GFOD2: variants seen among roughly 807,000 people sequenced by gnomAD.
GFOD2 encodes Gfo/Idh/MocA-like oxidoreductase domain containing 2.
In GFOD2, 9 loss-of-function variants were observed where a neutral mutation model predicts 24.6. That is an observed-to-expected ratio of 0.37 (90% CI 0.22 to 0.64). The LOEUF (loss-of-function observed/expected upper bound fraction) is 0.64, where lower values mean the gene tolerates loss of function less well. Among genes scored for constraint, GFOD2 ranks in the 30% least tolerant of loss-of-function variants. The pLI is 0.65. For missense variants in GFOD2, 476 were observed against 532.5 expected (o/e 0.89, Z 1.04); for synonymous variants, 211 against 224.8 (o/e 0.94, Z 0.55).
intron 2 of GFOD2, chr16:67,684,870 G>T: frequency 4.0e-6 from 4 of 991,008 alleles, no homozygotes; most frequent in Non-Finnish European, 4.8e-6. Flanking sequence ...GGGGCAAGAG[G>T]TTACCAAGCC....
intron 1 of GFOD2, among the ~76,000 whole-genome samples, chr16:67,695,671 G>T (rs2053353395): frequency 6.6e-6 from 1 of 151,888 alleles, no homozygotes; most frequent in Admixed American, 6.6e-5. Context: ...GAGTAGCTGG[G>T]ATTACAGGCA....
At chr16:67,689,469 G>C (rs755110672) in intron 1 of GFOD2, among the ~76,000 whole-genome samples, 3 of 151,730 alleles carry the variant, frequency 2.0e-5, no homozygotes, top group Non-Finnish European at 4.4e-5. Flanking sequence ...TGAGGAGTTT[G>C]AGACCAGCCT....
chr16:67,683,412 G>T (rs974495891), intron 2 of GFOD2: 1 of 1,228,768 alleles, frequency 8.1e-7, no homozygotes, highest in East Asian at 3.2e-5. Flanking sequence ...ACAAGGGATG[G>T]CAAGGAGTCA....
At chr16:67,703,829 A>G (rs923666315) in intron 1 of GFOD2, among the ~76,000 whole-genome samples, 2 of 152,182 alleles carry the variant, frequency 1.3e-5, no homozygotes, top group African/African-American at 4.8e-5. Flanking sequence ...TTCCTGGAAG[A>G]GACGACATAA....
chr16:67,676,243 C>T, intron 2 of GFOD2, 190 bp from the exon 3 acceptor site: 1 of 615,024 alleles, frequency 1.6e-6, no homozygotes, highest in Non-Finnish European at 2.8e-6. Flanking sequence ...AGCGATCCTC[C>T]ATCTTGGCCT....
At chr16:67,709,831 G>C (rs2053461261) in intron 1 of GFOD2, among the ~76,000 whole-genome samples, 1 of 152,164 alleles carries the variant, frequency 6.6e-6, no homozygotes. Context: ...GCCCAGGCTG[G>C]TCTTGAGGCT....
intron 1 of GFOD2, among the ~76,000 whole-genome samples, chr16:67,698,863 T>C (rs1165320230): frequency 6.6e-6 from 1 of 152,020 alleles, no homozygotes; most frequent in African/African-American, 2.4e-5. Flanking sequence ...AGTTAGGATA[T>C]CAAGTAAGAC....
intron 1 of GFOD2, among the ~76,000 whole-genome samples, chr16:67,695,139 G>T (rs2053349282): frequency 6.6e-6 from 1 of 151,626 alleles, no homozygotes; most frequent in African/African-American, 2.4e-5. Flanking sequence ...TGGGGTTACA[G>T]GCACACGCCA....
At chr16:67,684,719 C>T (rs957510918) in intron 2 of GFOD2, 1 of 972,648 alleles carries the variant, frequency 1.0e-6, no homozygotes, top group Non-Finnish European at 1.2e-6. Context: ...AAATTGCTGG[C>T]TGAATGTTTA....
At chr16:67,710,516 A>C (rs958898331) in intron 1 of GFOD2, among the ~76,000 whole-genome samples, 8 of 152,096 alleles carry the variant, frequency 5.3e-5, no homozygotes, top group African/African-American at 1.4e-4. Context: ...GGCGCCTGCT[A>C]CCATGCCCGG....
intron 1 of GFOD2, among the ~76,000 whole-genome samples, chr16:67,695,133 G>A (rs1322900782): frequency 6.6e-6 from 1 of 151,374 alleles, no homozygotes; most frequent in Non-Finnish European, 1.5e-5. Context: ...AGTAGCTGGG[G>A]TTACAGGCAC....
chr16:67,704,907 T>C (rs1443994049), intron 1 of GFOD2, among the ~76,000 whole-genome samples: 2 of 152,232 alleles, frequency 1.3e-5, no homozygotes, highest in African/African-American at 4.8e-5. Flanking sequence ...GTGTATCGCT[T>C]ATCATCTGGC....
chr16:67,683,615 T>A, intron 2 of GFOD2: 3 of 1,231,760 alleles, frequency 2.4e-6, no homozygotes, highest in Non-Finnish European at 3.0e-6. Flanking sequence ...GGCCAAAACT[T>A]ACTTGCTCCA....
rs909047537 is a variant in GFOD2 at position 67,678,454 on chromosome 16, C to T, written c.260-2401G>A. ...TTGCGCCATTGCACGCCAGCTTTGG[C>T]GACGAGAGTGAAACTCTGTCTCAAA... On this transcript the variant is annotated intron_variant, in intron 2 of 2. Coordinates refer to ENST00000268797, the MANE Select transcript of GFOD2 (RefSeq NM_030819.4). 1.6e-4 allele frequency among the ~76,000 whole-genome samples: 23 copies of T among 140,450 alleles called. No homozygotes were observed. In the South Asian group the frequency reaches 1.8e-3, roughly 11 times the overall value. The allele number at this position is 140,450 out of a possible 152,430, so 92.1% of individuals were successfully genotyped here.
chr16:67,679,886 C>G (rs922855727), intron 2 of GFOD2, among the ~76,000 whole-genome samples: 1 of 121,144 alleles, frequency 8.3e-6, no homozygotes, highest in Non-Finnish European at 1.8e-5. Context: ...GACTTCGTCT[C>G]AAAAAAAAAA....
intron 1 of GFOD2, among the ~76,000 whole-genome samples, chr16:67,707,532 T>C (rs1049535826): frequency 3.3e-5 from 5 of 151,964 alleles, no homozygotes; most frequent in African/African-American, 1.2e-4. Flanking sequence ...TATAGATATT[T>C]ATCTAAGAAA....
chr16:67,704,072 T>G (rs754150827), intron 1 of GFOD2, among the ~76,000 whole-genome samples: 14 of 152,122 alleles, frequency 9.2e-5, no homozygotes, highest in Non-Finnish European at 1.6e-4. Context: ...AGATACCACA[T>G]TTTGCTTATC....
intron 2 of GFOD2, chr16:67,680,406 A>C (rs1458284731): frequency 6.6e-6 from 1 of 152,246 alleles, no homozygotes; most frequent in Non-Finnish European, 1.5e-5. Context: ...GTCTCAAAAA[A>C]TAAATAAAAT....
chr16:67,715,351 C>A (rs947359055), intron 1 of GFOD2, among the ~76,000 whole-genome samples: 1 of 152,182 alleles, frequency 6.6e-6, no homozygotes, highest in African/African-American at 2.4e-5. Flanking sequence ...TGAGCCACCG[C>A]GCCTGGCTCT....
Sources: gnomAD v4.1 joint callset for allele counts (sites outside exome capture counted in the v4.1 genomes callset) on GRCh38, gnomAD v4.1.1 for gene constraint, MANE v1.5 for transcripts, NCBI Gene and HGNC (gene_info 2026-07-23, HGNC 2026-07-21) for gene names.